TRAK2: variants seen among roughly 807,000 people sequenced by gnomAD.
TRAK2 encodes trafficking kinesin protein 2.
Under a neutral mutation model 104.6 loss-of-function variants are expected in TRAK2, and 81 were observed. The observed-to-expected ratio is 0.77, with a 90% CI of 0.65 to 0.93. The LOEUF (loss-of-function observed/expected upper bound fraction) is 0.93, where lower values mean the gene tolerates loss of function less well. Ranked by LOEUF, TRAK2 falls within the 40% of genes least tolerant of loss-of-function variation. The pLI, the probability that TRAK2 is intolerant of heterozygous loss-of-function variation, is 0.00. For synonymous variants in TRAK2, 406 were observed against 394.4 expected (o/e 1.03, Z -0.35); for missense variants, 1,002 against 1,089.0 (o/e 0.92, Z 1.12).
intron 8 of TRAK2, 189 bp from the exon 9 acceptor site, chr2:201,395,061 G>A: frequency 1.6e-6 from 1 of 624,546 alleles, no homozygotes; most frequent in East Asian, 2.8e-5. Context: ...AGAGGACAAT[G>A]GGCATGAGTC....
chr2:201,389,155 A>G (rs1951420232), intron 12 of TRAK2, 145 bp downstream of exon 12: 11 of 797,422 alleles, frequency 1.4e-5, no homozygotes, highest in Non-Finnish European at 2.2e-5. Flanking sequence ...CTCATGAATA[A>G]TGATACAAGG....
intron 1 of TRAK2, among the ~76,000 whole-genome samples, chr2:201,426,689 T>A (rs1358916089): frequency 6.6e-6 from 1 of 152,190 alleles, no homozygotes; most frequent in Non-Finnish European, 1.5e-5. Flanking sequence ...AAGAACTAAG[T>A]CCATCTAAAG....
intron 2 of TRAK2, chr2:201,411,120 G>T: frequency 1.1e-6 from 1 of 912,026 alleles, no homozygotes; most frequent in Non-Finnish European, 1.8e-6. Flanking sequence ...AGAAGGTTTA[G>T]GGGTACTAAC....
At chr2:201,398,006 T>C in intron 6 of TRAK2, 139 bp downstream of exon 6, 2 of 787,602 alleles carry the variant, frequency 2.5e-6, no homozygotes, top group Non-Finnish European at 4.1e-6. Context: ...GCAAGAAAAA[T>C]ACAGCTCCTT....
chr2:201,421,690 G>A (rs550211656), intron 1 of TRAK2, among the ~76,000 whole-genome samples: 1 of 152,218 alleles, frequency 6.6e-6, no homozygotes, highest in East Asian at 1.9e-4. Context: ...GCAAACATTA[G>A]TTTTATTATA....
At chr2:201,420,396 T>C (rs1384833821) in intron 2 of TRAK2, 21 bp downstream of exon 2, 2 of 1,604,330 alleles carry the variant, frequency 1.2e-6, no homozygotes, top group South Asian at 2.2e-5. Context: ...AGCACTTCAA[T>C]ATTTATTAAA....
intron 1 of TRAK2, among the ~76,000 whole-genome samples, chr2:201,426,918 A>G (rs1220745198): frequency 6.6e-6 from 1 of 152,226 alleles, no homozygotes; most frequent in Non-Finnish European, 1.5e-5. Flanking sequence ...ATGTGGCCTG[A>G]CATTAGACAA....
In TRAK2 at chr2:201,389,318, C is replaced by A. The variant is rs145087404; in HGVS notation, c.1379G>T (p.Ser460Ile). Reference sequence around the variant, plus strand: ...TTCCTACCCTGCAACCTCCTCTGAGCTGCTCCCCTGGTTCAGGAGTGATTT... The same window carrying A: ...TTCCTACCCTGCAACCTCCTCTGAGATGCTCCCCTGGTTCAGGAGTGATTT... Reference protein sequence around the residue: ...EDKSLLNQGSSSEEVAGSSQK... With the variant: ...EDKSLLNQGSISEEVAGSSQK... The change falls in exon 12 of 16, where the codon AGC (serine) becomes ATC (isoleucine). Residue 460 changes from serine (S) to isoleucine (I), a missense_variant. Coordinates refer to ENST00000332624, the MANE Select transcript of TRAK2 (RefSeq NM_015049.3). 10 of 1,614,054 alleles carry A rather than the reference C, an allele frequency of 6.2e-6. No homozygotes were observed. In the African/African-American group the frequency reaches 1.1e-4, roughly 17 times the overall value.
intron 2 of TRAK2, chr2:201,411,943 A>T: frequency 1.0e-6 from 1 of 980,682 alleles, no homozygotes. Context: ...ATTGAATGGA[A>T]GGAGCTTCTA....
intron 2 of TRAK2, among the ~76,000 whole-genome samples, chr2:201,413,502 A>C (rs547580910): frequency 1.3e-5 from 2 of 152,242 alleles, no homozygotes; most frequent in East Asian, 3.9e-4. Context: ...AAAAGACTGA[A>C]AGACCTATTG....
intron 1 of TRAK2, among the ~76,000 whole-genome samples, chr2:201,433,119 T>C (rs1346160394): frequency 6.6e-6 from 1 of 152,192 alleles, no homozygotes; most frequent in African/African-American, 2.4e-5. Context: ...AAAACCACAG[T>C]AATTTACAAA....
intron 1 of TRAK2, among the ~76,000 whole-genome samples, chr2:201,425,652 C>T (rs951821220): frequency 7.2e-5 from 11 of 152,034 alleles, no homozygotes; most frequent in Middle Eastern, 3.2e-3. Context: ...CCACCCACCT[C>T]GACCTCCCAA....
intron 2 of TRAK2, chr2:201,411,268 C>A: frequency 1.3e-6 from 1 of 741,084 alleles, no homozygotes; most frequent in Non-Finnish European, 2.5e-6. Flanking sequence ...TGCTCTTGTT[C>A]TCTTGCTAAT....
intron 1 of TRAK2, among the ~76,000 whole-genome samples, chr2:201,424,801 G>A (rs1322972199): frequency 1.3e-5 from 2 of 151,808 alleles, no homozygotes; most frequent in Non-Finnish European, 2.9e-5. Context: ...TAGAGACGGG[G>A]TTTCACTGTG....
At chr2:201,410,218 C>G (rs1951632818) in intron 2 of TRAK2, among the ~76,000 whole-genome samples, 1 of 151,712 alleles carries the variant, frequency 6.6e-6, no homozygotes. Context: ...AGGAGAATGG[C>G]GTGAACCCGC....
rs1951732892 is a variant in TRAK2, at chr2:201,420,679, T to C, written c.-172A>G. The C allele has an allele frequency of 3.4e-6, 2 of 580,340 alleles. No homozygotes were observed. Among genetic ancestry groups the C allele is most frequent in the Non-Finnish European group, 6.2e-6 (2 of 323,550 alleles). The allele number at this position is 580,340 out of a possible 1,614,324, so 35.9% of individuals were successfully genotyped here. On this transcript the variant is annotated 5_prime_UTR_variant, in exon 2 of 16. Transcript: ENST00000332624. ...ATCCGTAGCAACGAGCACTCTCATG[T>C]GATTATCATACTTTGGACAGTCATG...
At chr2:201,381,268 A>G in intron 15 of TRAK2, 50 bp from the exon 16 acceptor site, 1 of 1,496,564 alleles carries the variant, frequency 6.7e-7, no homozygotes, top group Middle Eastern at 1.8e-4. Flanking sequence ...AATAAAAAGC[A>G]AGCTCCAAGC....
At chr2:201,431,509 C>T (rs1310528863) in intron 1 of TRAK2, among the ~76,000 whole-genome samples, 2 of 152,214 alleles carry the variant, frequency 1.3e-5, no homozygotes. Context: ...AGCTGCGTAG[C>T]ATCTTCAAGT....
chr2:201,382,509 C>G (rs886455996), intron 15 of TRAK2, among the ~76,000 whole-genome samples: 1 of 152,046 alleles, frequency 6.6e-6, no homozygotes, highest in Non-Finnish European at 1.5e-5. Context: ...TATTGTATTC[C>G]CAGTCTCTAA....
Sources: gnomAD v4.1 joint callset for allele counts (sites outside exome capture counted in the v4.1 genomes callset) on GRCh38, gnomAD v4.1.1 for gene constraint, MANE v1.5 for transcripts, NCBI Gene and HGNC (gene_info 2026-07-23, HGNC 2026-07-21) for gene names.